AP4E1: variants seen among roughly 807,000 people sequenced by gnomAD.
AP4E1 encodes adaptor related protein complex 4 subunit epsilon 1.
In AP4E1, 56 loss-of-function variants were observed where a neutral mutation model predicts 128.2. That is an observed-to-expected ratio of 0.44 (90% CI 0.35 to 0.55). AP4E1 has a LOEUF of 0.55. Among genes scored for constraint, AP4E1 ranks in the 20% least tolerant of loss-of-function variants. AP4E1 has a pLI of 0.00. For missense variants in AP4E1, 1,324 were observed against 1,307.7 expected (o/e 1.01, Z -0.19); for synonymous variants, 484 against 473.1 (o/e 1.02, Z -0.30).
rs1411909541 is a variant in AP4E1, at chr15:50,955,250, T to TA, written c.1549-3241dup. ...TTTCTAGTTCTAGATCCTTGAGGAA[T>TA]AGCCACACTGTCTTCCACAATGGTT... is the stretch of plus-strand genomic sequence containing the variant. On this transcript the variant is annotated intron_variant, in intron 13 of 20. Transcript: ENST00000261842. 3.9e-5 allele frequency among the ~76,000 whole-genome samples: 6 copies of TA among 152,218 alleles called. No individual in the cohort carries two copies. The East Asian group carries it at 1.2e-3, about 29-fold the overall frequency.
chr15:50,926,187 G>T (rs1177292596), intron 5 of AP4E1, among the ~76,000 whole-genome samples: 1 of 151,868 alleles, frequency 6.6e-6, no homozygotes, highest in Non-Finnish European at 1.5e-5. Flanking sequence ...GCCTAGGCTG[G>T]AGTGCGGTGG....
chr15:50,997,489 A>G lies in AP4E1; in HGVS notation c.2510A>G (p.Asp837Gly). Reference protein sequence around the residue: ...EDDYYSNTLHDTGDKELKKFS... With the variant: ...EDDYYSNTLHGTGDKELKKFS... The stretch of plus-strand genomic sequence containing the variant: ...GATTATTATTCGAATACTTTGCACG[A>G]TACAGGAGACAAGGAATTAAAGAAA... The change falls in exon 18 of 21, where the codon GAT becomes GGT. Residue 837 changes from aspartate (D) to glycine (G), a missense_variant. Transcript: ENST00000261842. 2.5e-6 allele frequency: 4 copies of G among 1,614,104 alleles called. No homozygotes were observed. The highest frequency in any genetic ancestry group is 3.4e-6 in the Non-Finnish European group (4 of 1,179,982).
intron 7 of AP4E1, among the ~76,000 whole-genome samples, chr15:50,932,445 A>G (rs6493468): frequency 0.011 from 1,692 of 152,286 alleles, 29 homozygotes; most frequent in African/African-American, 0.039. Flanking sequence ...GCACCTACAT[A>G]TTATTTTTAT....
Position 51,005,105 on chromosome 15 carries a change from C to G in AP4E1, c.*2443C>G, listed in dbSNP as rs895960254. ...TTCTCCATGTTGGTCAGGCTGGTCTCGAACTCCCGACCTCAGGTGATCTGC... is the reference window on the plus strand; with the variant it reads ...TTCTCCATGTTGGTCAGGCTGGTCTGGAACTCCCGACCTCAGGTGATCTGC... On this transcript the variant is annotated 3_prime_UTR_variant, in exon 21 of 21. Coordinates refer to ENST00000261842, the MANE Select transcript of AP4E1 (RefSeq NM_007347.5). 6.6e-6 allele frequency: 1 copy of G among 152,180 alleles called. No homozygotes were observed. The highest frequency in any genetic ancestry group is 1.5e-5 in the Non-Finnish European group (1 of 68,064). 9.4% of individuals were successfully genotyped at this position (152,180 alleles called of 1,614,324 possible). A position where few individuals can be genotyped will look rare whatever the true frequency, so the allele number is the denominator to read the frequency against.
At chr15:50,995,956 A>G (rs2064863816) in intron 17 of AP4E1, among the ~76,000 whole-genome samples, 1 of 148,268 alleles carries the variant, frequency 6.7e-6, no homozygotes, top group Non-Finnish European at 1.5e-5. Flanking sequence ...CTTGGGGGAC[A>G]GTAACAAGCA....
chr15:50,945,864 C>A, intron 10 of AP4E1: 1 of 855,174 alleles, frequency 1.2e-6, no homozygotes, highest in Admixed American at 1.8e-5. Context: ...AATCTATCTA[C>A]AGCCAGATTC....
chr15:50,945,044 T>C, intron 10 of AP4E1: 1 of 778,048 alleles, frequency 1.3e-6, no homozygotes, highest in East Asian at 2.4e-5. Flanking sequence ...TCACCGTTGG[T>C]GGTGACAAAA....
chr15:50,926,944 C>G (rs928715290), intron 5 of AP4E1, among the ~76,000 whole-genome samples: 1 of 152,166 alleles, frequency 6.6e-6, no homozygotes, highest in Non-Finnish European at 1.5e-5. Flanking sequence ...AAAATGATAG[C>G]TTTTACTAAG....
chr15:50,915,466 A>G lies in AP4E1; in HGVS notation c.241A>G (p.Met81Val), dbSNP rs1445266749. ...TTTTCAGAAAATGATGAAGGAATGT[A>G]TGGTGAGACTTATATATTGTGAAAT... The part of the protein sequence containing the change: ...TTTLKMMKEC[M>V]VRLIYCEMLG... Residue 81 changes from methionine to valine, a missense_variant, in exon 3 of 21, where the codon ATG becomes GTG. By Grantham distance (21) the Met-to-Val change is conservative. Transcript: ENST00000261842. 1 of 1,613,236 alleles carries G rather than the reference A, an allele frequency of 6.2e-7. No individual in the cohort carries two copies.
Position 50,941,708 on chromosome 15 carries a change from T to A in AP4E1, c.1109T>A (p.Leu370Gln), listed in dbSNP as rs1305561846. 3 of 1,613,768 alleles carry A rather than the reference T, an allele frequency of 1.9e-6. No homozygotes were observed. Among genetic ancestry groups the A allele is most frequent in the Admixed American group, 3.3e-5 (2 of 60,010 alleles). The change falls in exon 10 of 21, where the codon CTG (leucine) becomes CAG (glutamine). Residue 370 changes from leucine to glutamine, a missense_variant. Coordinates refer to ENST00000261842, the MANE Select transcript of AP4E1 (RefSeq NM_007347.5). ...TATGTTATCCAACAGGATCCTACTC[T>A]GGCTCTTCAACACCAGATGACAATA... ...LTYVIQQDPTLALQHQMTIIE... is the reference protein window; with the variant it reads ...LTYVIQQDPTQALQHQMTIIE...
intron 14 of AP4E1, among the ~76,000 whole-genome samples, chr15:50,959,486 G>A (rs2064280280): frequency 6.6e-6 from 1 of 152,096 alleles, no homozygotes; most frequent in Non-Finnish European, 1.5e-5. Flanking sequence ...CAGCATAAAG[G>A]AGAAATAAAG....
At position 51,003,283 on chromosome 15, in the gene AP4E1, C is replaced by T. The variant is rs1364165123; in HGVS notation, c.*621C>T. Reference sequence around the variant, plus strand: ...ATAACTGTTACACATAATTTCAGATCGTTTGGCTGTAAAATTTGTCTGTTT... The same window carrying T: ...ATAACTGTTACACATAATTTCAGATTGTTTGGCTGTAAAATTTGTCTGTTT... On this transcript the variant is annotated 3_prime_UTR_variant, in exon 21 of 21. Coordinates refer to ENST00000261842, the MANE Select transcript of AP4E1 (RefSeq NM_007347.5). 3.3e-5 allele frequency: 5 copies of T among 152,704 alleles called. No individual in the cohort carries two copies. Among genetic ancestry groups the T allele is most frequent in the South Asian group, 2.1e-4 (1 of 4,812 alleles). 9.5% of individuals were successfully genotyped at this position (152,704 alleles called of 1,614,324 possible). A position where few individuals can be genotyped will look rare whatever the true frequency, so the allele number is the denominator to read the frequency against.
chr15:50,949,412 CA>C (rs55857377), intron 11 of AP4E1, among the ~76,000 whole-genome samples: 855 of 70,410 alleles, frequency 0.012, 3 homozygotes, highest in African/African-American at 0.023. Flanking sequence ...GATTCTGCCT[CA>C]AAAAAAAAAA....
Position 50,997,569 on chromosome 15 carries a change from G to T in AP4E1, c.2590G>T (p.Val864Phe). ...TGAGTCACTCACAGAACTGCCCTTG[G>T]TTGAGAAATTCTCATATTGTAGTCT... ...DSESLTELPL[V>F]EKFSYCSLST... The change falls in exon 18 of 21, where the codon GTT becomes TTT. Residue 864 changes from valine (V) to phenylalanine (F), a missense_variant. Physicochemically the swap from Val to Phe is conservative, Grantham distance 50. Transcript: ENST00000261842. The T allele has an allele frequency of 6.2e-7, 1 of 1,614,024 alleles. No individual in the cohort carries two copies.
intron 16 of AP4E1, among the ~76,000 whole-genome samples, chr15:50,987,932 C>A (rs919029353): frequency 6.6e-6 from 1 of 151,950 alleles, no homozygotes; most frequent in South Asian, 2.1e-4. Context: ...AAGCTTTATA[C>A]GTAGTAATAA....
At chr15:50,921,867 T>G (rs1282059401) in intron 3 of AP4E1, among the ~76,000 whole-genome samples, 1 of 152,134 alleles carries the variant, frequency 6.6e-6, no homozygotes, top group Non-Finnish European at 1.5e-5. Context: ...TTTTTCTGAT[T>G]GTTGAAACAG....
chr15:50,993,555 AG>A lies in AP4E1; in HGVS notation c.2278del (p.Glu760ArgfsTer15). On this transcript the variant is annotated frameshift_variant, in exon 17 of 21. Transcript: ENST00000261842. LOFTEE classifies it high-confidence loss of function. ...TCTCAAGTTCTTACCCAATCTAAAG[AG>A]GAGAAAGAAAAGCAGCTGCTGGCAT... Reference protein sequence around the residue: ...DQSQVLTQSKEEKEKQLLASS... With the variant: ...DQSQVLTQSKXEKEKQLLASS... 6.2e-7 allele frequency: 1 copy of A among 1,613,988 alleles called. No homozygotes were observed. The highest frequency in any genetic ancestry group is 8.5e-7 in the Non-Finnish European group (1 of 1,179,914).
intron 14 of AP4E1, among the ~76,000 whole-genome samples, chr15:50,963,904 A>T (rs1363191899): frequency 6.6e-6 from 1 of 152,358 alleles, no homozygotes; most frequent in East Asian, 1.9e-4. Flanking sequence ...ACAGGATATA[A>T]ATATCTTCAC....
In AP4E1 at chr15:51,002,488, T is replaced by C; in HGVS notation, c.3254-14T>C. 6.2e-7 allele frequency: 1 copy of C among 1,613,978 alleles called. No individual in the cohort carries two copies. ...TTTTGCATTAAATCATTTTTCACTT[T>C]TGTTTTGTTTTAGGCAATGAAGGGC... On this transcript the variant is annotated splice_polypyrimidine_tract_variant and intron_variant, in intron 20 of 20. Transcript: ENST00000261842.
Sources: allele counts gnomAD v4.1 joint callset (sites outside exome capture counted in the v4.1 genomes callset), GRCh38; gene constraint gnomAD v4.1.1; transcripts MANE v1.5; gene names NCBI Gene and HGNC (gene_info 2026-07-23, HGNC 2026-07-21).